Variants in MAP4K4 observed in about 807,000 individuals in gnomAD.
MAP4K4 encodes mitogen-activated protein kinase kinase kinase kinase 4.
MAP4K4 carries 38 observed loss-of-function variants against 189.6 expected under a neutral mutation model. That is an observed-to-expected ratio of 0.20 (90% CI 0.15 to 0.26). The LOEUF is 0.26. MAP4K4 is among the 10% of genes least tolerant of loss of function. The pLI is 1.00. For missense variants in MAP4K4, 1,054 were observed against 1,726.9 expected, an observed-to-expected ratio of 0.61 and a Z score of 6.91; for synonymous variants, 610 against 624.3, an observed-to-expected ratio of 0.98 and a Z score of 0.34.
At chr2:101,774,107 C>G (rs1322665716) in intron 2 of MAP4K4, among the ~76,000 whole-genome samples, 1 of 152,196 alleles carries the variant, frequency 6.6e-6, no homozygotes, top group Non-Finnish European at 1.5e-5. Flanking sequence ...CATATGGTAG[C>G]TCTATTTATA....
Position 101,870,514 on chromosome 2 carries a change from G to GT in MAP4K4, c.2760+103dup, listed in dbSNP as rs2097957847. The GT allele has an allele frequency of 2.0e-6, 3 of 1,503,616 alleles. No individual in the cohort carries two copies. In the Admixed American group the frequency reaches 6.0e-5, roughly 30 times the overall value. 93.1% of individuals were successfully genotyped at this position (1,503,616 alleles called of 1,614,324 possible). A position where few individuals can be genotyped will look rare whatever the true frequency, so the allele number is the denominator to read the frequency against. Reference sequence around the variant, plus strand: ...TCATGCTGTTTCTCCATCATCATCTGTTTTCATGTTAACAAGTCCCAGAGG... The same window carrying GT: ...TCATGCTGTTTCTCCATCATCATCTGTTTTTCATGTTAACAAGTCCCAGAGG... On this transcript the variant is annotated intron_variant, in intron 23 of 32. Coordinates refer to ENST00000324219, the Ensembl canonical transcript of MAP4K4.
At position 101,771,498 on chromosome 2, in the gene MAP4K4, T is replaced by C. The variant is rs369229951; in HGVS notation, c.124-19222T>C. ...CCAGTTATGTAAGCATATTCTTCTT[T>C]CATGTGTTTTCCTCTGAACCAGCTG... On this transcript the variant is annotated intron_variant, in intron 2 of 32. Transcript: ENST00000324219. Among the ~76,000 whole-genome samples, 25 of 152,190 alleles carry C rather than the reference T, an allele frequency of 1.6e-4. 2 individuals carry two copies. Among genetic ancestry groups the C allele is most frequent in the Admixed American group, 1.4e-3 (21 of 15,290 alleles).
chr2:101,877,693 G>T (rs557217955), intron 27 of MAP4K4, among the ~76,000 whole-genome samples: 1 of 151,280 alleles, frequency 6.6e-6, no homozygotes, highest in South Asian at 2.1e-4. Flanking sequence ...TAAAAGTATT[G>T]TATTATGGTT....
chr2:101,775,379 T>A (rs2083529955), intron 2 of MAP4K4, among the ~76,000 whole-genome samples: 1 of 151,846 alleles, frequency 6.6e-6, no homozygotes, highest in Non-Finnish European at 1.5e-5. Flanking sequence ...CTGAATGGCC[T>A]ATTCAAGTGG....
intron 2 of MAP4K4, among the ~76,000 whole-genome samples, chr2:101,740,010 A>C (rs893164779): frequency 6.6e-6 from 1 of 152,192 alleles, no homozygotes; most frequent in Non-Finnish European, 1.5e-5. Flanking sequence ...AATTGTTGAC[A>C]CGTTTGCTTT....
intron 2 of MAP4K4, among the ~76,000 whole-genome samples, chr2:101,759,870 G>T (rs932239120): frequency 6.7e-6 from 1 of 149,218 alleles, no homozygotes; most frequent in Admixed American, 6.7e-5. Context: ...TCTTGACAGG[G>T]TCTCACTTTG....
chr2:101,786,235 G>C (rs2091175049), intron 2 of MAP4K4, among the ~76,000 whole-genome samples: 1 of 152,074 alleles, frequency 6.6e-6, no homozygotes, highest in African/African-American at 2.4e-5. Context: ...AGACAAATAG[G>C]CTGCCATAGT....
exon 30 of MAP4K4, chr2:101,887,173 G>A (rs371990136): frequency 3.1e-6 from 5 of 1,612,298 alleles, no homozygotes; most frequent in African/African-American, 1.3e-5. Context: ...TATGGATCCT[G>A]TGCTGGATTC....
intron 2 of MAP4K4, among the ~76,000 whole-genome samples, chr2:101,790,328 A>G (rs574197632): frequency 4.6e-5 from 7 of 152,268 alleles, no homozygotes; most frequent in Non-Finnish European, 7.3e-5. Flanking sequence ...ATTTGTAGAA[A>G]AAAAAAGTTT....
intron 3 of MAP4K4, among the ~76,000 whole-genome samples, chr2:101,797,960 C>T (rs896905398): frequency 9.4e-5 from 12 of 127,668 alleles, no homozygotes; most frequent in Non-Finnish European, 1.9e-4. Flanking sequence ...ACAAGTCTAG[C>T]TGTGCACAAG....
intron 4 of MAP4K4, among the ~76,000 whole-genome samples, chr2:101,825,063 T>C (rs2149348319): frequency 6.6e-6 from 1 of 152,306 alleles, no homozygotes; most frequent in East Asian, 1.9e-4. Context: ...TGAGAGAGAA[T>C]GAGCACTTCA....
At chr2:101,722,394 C>G (rs2052685016) in intron 2 of MAP4K4, among the ~76,000 whole-genome samples, 1 of 152,170 alleles carries the variant, frequency 6.6e-6, no homozygotes, top group Non-Finnish European at 1.5e-5. Flanking sequence ...GAATTTTTCT[C>G]TCGTTTTGTT....
At chr2:101,740,027 T>C (rs1430116382) in intron 2 of MAP4K4, among the ~76,000 whole-genome samples, 1 of 152,184 alleles carries the variant, frequency 6.6e-6, no homozygotes, top group Non-Finnish European at 1.5e-5. Context: ...CTTTTGGACA[T>C]GTTGACCACA....
intron 13 of MAP4K4, among the ~76,000 whole-genome samples, chr2:101,857,956 A>G (rs2097528429): frequency 6.6e-6 from 1 of 152,200 alleles, no homozygotes; most frequent in African/African-American, 2.4e-5. Context: ...GTCTCCTCGT[A>G]GTCCTTCTTA....
intron 2 of MAP4K4, among the ~76,000 whole-genome samples, chr2:101,774,101 T>C (rs1292531748): frequency 6.6e-6 from 1 of 152,220 alleles, no homozygotes; most frequent in Non-Finnish European, 1.5e-5. Context: ...CTGGATCATA[T>C]GGTAGCTCTA....
At position 101,873,631 on chromosome 2, in the gene MAP4K4, G is replaced by T; in HGVS notation, c.2953-16G>T. The T allele has an allele frequency of 1.5e-6, 2 of 1,370,132 alleles. No homozygotes were observed. Among genetic ancestry groups the T allele is most frequent in the South Asian group, 2.4e-5 (2 of 84,176 alleles). 84.9% of individuals were successfully genotyped at this position (1,370,132 alleles called of 1,614,324 possible). A position where few individuals can be genotyped will look rare whatever the true frequency, so the allele number is the denominator to read the frequency against. The stretch of plus-strand genomic sequence containing the variant: ...AAATGCCAGTTGTATTAATAACATT[G>T]AAATTTACATTGCAGACTCAGTCCG... On this transcript the variant is annotated splice_polypyrimidine_tract_variant and intron_variant, in intron 24 of 32. Transcript: ENST00000324219.
chr2:101,814,078 A>G (rs2095581796), intron 3 of MAP4K4, among the ~76,000 whole-genome samples: 1 of 152,184 alleles, frequency 6.6e-6, no homozygotes, highest in Non-Finnish European at 1.5e-5. Flanking sequence ...GTGCCATCCT[A>G]TAGTTTTCTT....
chr2:101,834,192 C>T (rs1489275294), intron 7 of MAP4K4, among the ~76,000 whole-genome samples: 2 of 124,230 alleles, frequency 1.6e-5, no homozygotes, highest in Non-Finnish European at 3.4e-5. Context: ...TCCCTCCCTC[C>T]CCTCCCTCCA....
At chr2:101,843,620 A>C (rs1047056086) in intron 11 of MAP4K4, among the ~76,000 whole-genome samples, 1 of 152,216 alleles carries the variant, frequency 6.6e-6, no homozygotes, top group Admixed American at 6.5e-5. Flanking sequence ...GTAGTGGCTA[A>C]TTCGTAGGAC....
Sources: gnomAD v4.1 joint callset for allele counts (sites outside exome capture counted in the v4.1 genomes callset) on GRCh38, gnomAD v4.1.1 for gene constraint, MANE v1.5 for transcripts, NCBI Gene and HGNC (gene_info 2026-07-23, HGNC 2026-07-21) for gene names.